Variants in FOXP1 observed in about 807,000 individuals in gnomAD.
FOXP1 encodes the protein forkhead box P1.
Under a neutral mutation model 98.2 loss-of-function variants are expected in FOXP1, and 15 were observed. The observed-to-expected ratio is 0.15, with a 90% CI of 0.10 to 0.24. The LOEUF is 0.24. Ranked by LOEUF, FOXP1 falls within the 10% of genes least tolerant of loss-of-function variation. The pLI is 1.00. For synonymous variants in FOXP1, 371 were observed against 314.5 expected, an observed-to-expected ratio of 1.18 and a Z score of -1.90; for missense variants, 633 against 848.5, an observed-to-expected ratio of 0.75 and a Z score of 3.15.
rs555385908 is a variant in FOXP1, at chr3:71,158,831, C to G, written c.180+39371G>C. On this transcript the variant is annotated intron_variant, in intron 6 of 20. Coordinates refer to ENST00000649528, the MANE Select transcript of FOXP1 (RefSeq NM_001349338.3). ...AAATAAACAGTTGAAAAGGGCCAAG[C>G]AAGGTGGCTCATGCCTGTAATCCCA... Among the ~76,000 whole-genome samples, 15 of 151,170 alleles carry G rather than the reference C, an allele frequency of 9.9e-5. 1 individual carries two copies. In the South Asian group the frequency reaches 3.1e-3, roughly 32 times the overall value.
chr3:71,220,948 T>G (rs911459050), intron 5 of FOXP1, among the ~76,000 whole-genome samples: 3 of 150,796 alleles, frequency 2.0e-5, no homozygotes, highest in African/African-American at 4.9e-5. Flanking sequence ...GAAGAAAACC[T>G]GTAGGCCAAG....
chr3:71,557,584 G>A (rs896195665), intron 2 of FOXP1, among the ~76,000 whole-genome samples: 1 of 152,188 alleles, frequency 6.6e-6, no homozygotes, highest in African/African-American at 2.4e-5. Context: ...CTGAGGCCTG[G>A]CAGTCACATT....
chr3:71,250,834 G>C (rs2107049916), intron 5 of FOXP1, among the ~76,000 whole-genome samples: 1 of 152,264 alleles, frequency 6.6e-6, no homozygotes, highest in Middle Eastern at 3.4e-3. Context: ...AGGAGGCTGA[G>C]GCAGGAGAAT....
intron 7 of FOXP1, among the ~76,000 whole-genome samples, chr3:71,104,129 C>T (rs897346168): frequency 3.3e-5 from 5 of 152,132 alleles, no homozygotes; most frequent in East Asian, 1.9e-4. Context: ...GGCGCATCAT[C>T]GTCTATACTC....
intron 5 of FOXP1, among the ~76,000 whole-genome samples, chr3:71,227,842 A>G (rs2106712137): frequency 6.6e-6 from 1 of 152,202 alleles, no homozygotes; most frequent in Non-Finnish European, 1.5e-5. Flanking sequence ...AGCAGTAAGT[A>G]AAGAGGAAGG....
chr3:71,519,874 T>C lies in FOXP1; in HGVS notation c.-297-26319A>G, dbSNP rs547964887. Among the ~76,000 whole-genome samples the C allele has an allele frequency of 3.9e-5, 6 of 152,366 alleles. No individual in the cohort carries two copies. The South Asian group carries it at 1.2e-3, about 32-fold the overall frequency. On this transcript the variant is annotated intron_variant, in intron 2 of 20. Transcript: ENST00000649528. ...CTCCAGAGTCTGAAATGCTTTCCCA[T>C]AAATGTGGGGGCCAGTCCCTGCTGA...
intron 6 of FOXP1, among the ~76,000 whole-genome samples, chr3:71,148,582 G>C (rs574712832): frequency 1.3e-5 from 2 of 152,154 alleles, no homozygotes; most frequent in Admixed American, 6.5e-5. Context: ...AGCATACTAA[G>C]GCAAAGTAAT....
intron 2 of FOXP1, among the ~76,000 whole-genome samples, chr3:71,549,887 C>A (rs1017541171): frequency 1.1e-3 from 98 of 89,920 alleles, no homozygotes; most frequent in Admixed American, 4.4e-3. Flanking sequence ...AAAAAAAAAA[C>A]GCTCTCTGGT....
chr3:71,389,849 G>T, intron 3 of FOXP1, among the ~76,000 whole-genome samples: 1 of 151,192 alleles, frequency 6.6e-6, no homozygotes, highest in South Asian at 2.1e-4. Context: ...TTAAATGTTG[G>T]CATTCTGTCT....
chr3:70,997,035 T>C (rs965757246), intron 13 of FOXP1, among the ~76,000 whole-genome samples: 18 of 152,228 alleles, frequency 1.2e-4, no homozygotes, highest in Non-Finnish European at 1.2e-4. Flanking sequence ...CACACTGAGA[T>C]ACTTGGAGGT....
In FOXP1 at chr3:71,034,187, C is replaced by A. The variant is rs773979071; in HGVS notation, c.869+7141G>T. 2.2e-4 allele frequency among the ~76,000 whole-genome samples: 33 copies of A among 152,172 alleles called. 1 individual carries two copies. The highest frequency in any genetic ancestry group is 7.3e-5 in the Non-Finnish European group (5 of 68,032). On this transcript the variant is annotated intron_variant, in intron 11 of 20. Transcript: ENST00000649528. ...CTGGCAACGGGGATTTTCCTGGGGG[C>A]TTCTTCTAAATTACTGCTGAAAAGA...
chr3:71,455,475 T>C (rs2087389593), intron 3 of FOXP1, among the ~76,000 whole-genome samples: 1 of 152,212 alleles, frequency 6.6e-6, no homozygotes, highest in Non-Finnish European at 1.5e-5. Context: ...AAACTAGCTC[T>C]CAAAGGGGTC....
At chr3:70,994,207 T>C (rs1237581499) in intron 13 of FOXP1, among the ~76,000 whole-genome samples, 3 of 150,238 alleles carry the variant, frequency 2.0e-5, no homozygotes, top group Non-Finnish European at 4.4e-5. Context: ...ATGAAATAAT[T>C]ACAAGCAGAA....
chr3:71,117,390 T>C (rs1214287441), intron 6 of FOXP1, among the ~76,000 whole-genome samples: 1 of 152,228 alleles, frequency 6.6e-6, no homozygotes, highest in African/African-American at 2.4e-5. Context: ...GCAGGCCAGA[T>C]ATTATTCCAA....
At chr3:71,135,791 A>T (rs902744663) in intron 6 of FOXP1, among the ~76,000 whole-genome samples, 1 of 152,206 alleles carries the variant, frequency 6.6e-6, no homozygotes, top group African/African-American at 2.4e-5. Context: ...ACACTGCCCA[A>T]GTCAAGTCAA....
chr3:71,010,913 G>T (rs2043515101), intron 12 of FOXP1, among the ~76,000 whole-genome samples: 1 of 134,204 alleles, frequency 7.5e-6, no homozygotes, highest in Non-Finnish European at 1.5e-5. Flanking sequence ...GCTTCTTTCA[G>T]TTCGGTTCAA....
chr3:71,274,005 G>A (rs895318109), intron 5 of FOXP1, among the ~76,000 whole-genome samples: 1 of 152,148 alleles, frequency 6.6e-6, no homozygotes, highest in African/African-American at 2.4e-5. Flanking sequence ...ACTCCTCCCA[G>A]GAGCCTTCAC....
At chr3:71,453,829 T>C (rs1370435615) in intron 3 of FOXP1, among the ~76,000 whole-genome samples, 3 of 152,222 alleles carry the variant, frequency 2.0e-5, no homozygotes, top group African/African-American at 7.2e-5. Context: ...AGCTTCTGCC[T>C]TCTAGAGATA....
intron 6 of FOXP1, among the ~76,000 whole-genome samples, chr3:71,173,419 AC>A (rs558360295): frequency 2.7e-5 from 4 of 148,612 alleles, no homozygotes; most frequent in East Asian, 3.9e-4. Flanking sequence ...ACACACACAC[AC>A]ACTTTTTGCC....
Sources: gnomAD v4.1 joint callset for allele counts (sites outside exome capture counted in the v4.1 genomes callset) on GRCh38, gnomAD v4.1.1 for gene constraint, MANE v1.5 for transcripts, NCBI Gene and HGNC (gene_info 2026-07-23, HGNC 2026-07-21) for gene names.